SLC9A8: variants seen among roughly 807,000 people sequenced by gnomAD.
SLC9A8 encodes the protein sodium/hydrogen exchanger 8.
SLC9A8 carries 48 observed loss-of-function variants against 66.6 expected under a neutral mutation model. That is an observed-to-expected ratio of 0.72 (90% CI 0.57 to 0.92). The LOEUF (loss-of-function observed/expected upper bound fraction) is 0.92, where lower values mean the gene tolerates loss of function less well. Ranked by LOEUF, SLC9A8 falls within the 40% of genes least tolerant of loss-of-function variation. The pLI is 0.00. For missense variants in SLC9A8, 599 were observed against 747.3 expected (o/e 0.80, Z 2.31); for synonymous variants, 274 against 282.6 (o/e 0.97, Z 0.31).
At chr20:49,877,189 G>A (rs1238939436) in intron 11 of SLC9A8, among the ~76,000 whole-genome samples, 1 of 151,866 alleles carries the variant, frequency 6.6e-6, no homozygotes, top group Non-Finnish European at 1.5e-5. Flanking sequence ...AGCTGCTTGG[G>A]AGGCTGAGGC....
Position 49,826,436 on chromosome 20 carries a change from G to A in SLC9A8, c.289+3295G>A, listed in dbSNP as rs185939761. Reference sequence around the variant, plus strand: ...TTTCAGGGATAAATTTTCCTCTCCTGCCAGAAGTTGCTTTGTAGCTTGCAG... The same window carrying A: ...TTTCAGGGATAAATTTTCCTCTCCTACCAGAAGTTGCTTTGTAGCTTGCAG... On this transcript the variant is annotated intron_variant, in intron 3 of 15. Coordinates refer to ENST00000361573, the MANE Select transcript of SLC9A8 (RefSeq NM_015266.3). Among the ~76,000 whole-genome samples the A allele has an allele frequency of 2.6e-5, 4 of 152,266 alleles. No individual in the cohort carries two copies. The East Asian group carries it at 7.7e-4, about 29-fold the overall frequency.
intron 11 of SLC9A8, among the ~76,000 whole-genome samples, chr20:49,877,015 C>T (rs1384168456): frequency 1.3e-5 from 2 of 151,276 alleles, no homozygotes; most frequent in Non-Finnish European, 2.9e-5. Flanking sequence ...AGGCCAGGCG[C>T]GGTGGCTTAT....
At chr20:49,832,374 CTG>C (rs1267004876) in intron 3 of SLC9A8, among the ~76,000 whole-genome samples, 1 of 152,120 alleles carries the variant, frequency 6.6e-6, no homozygotes, top group Non-Finnish European at 1.5e-5. Context: ...GACTGACCCT[CTG>C]GGGTGGGTCT....
At chr20:49,877,463 G>A (rs1012277584) in intron 11 of SLC9A8, among the ~76,000 whole-genome samples, 4 of 152,130 alleles carry the variant, frequency 2.6e-5, no homozygotes, top group Non-Finnish European at 5.9e-5. Context: ...CTCGCAGAGT[G>A]GAGCCAGGAG....
At chr20:49,854,928 T>G (rs1348216090) in intron 7 of SLC9A8, among the ~76,000 whole-genome samples, 1 of 152,194 alleles carries the variant, frequency 6.6e-6, no homozygotes, top group Non-Finnish European at 1.5e-5. Context: ...ATGGCCTCAG[T>G]GTTTCTCTCG....
chr20:49,882,006 C>T (rs1330951395), intron 13 of SLC9A8, among the ~76,000 whole-genome samples: 9 of 152,088 alleles, frequency 5.9e-5, no homozygotes, highest in Non-Finnish European at 5.9e-5. Context: ...CCAGGCTCCC[C>T]GGGCTCTTGC....
chr20:49,833,249 T>G (rs1239302201), intron 3 of SLC9A8, among the ~76,000 whole-genome samples: 1 of 152,160 alleles, frequency 6.6e-6, no homozygotes, highest in Non-Finnish European at 1.5e-5. Context: ...TGAAAAAGCT[T>G]GTAAGACAGC....
intron 15 of SLC9A8, among the ~76,000 whole-genome samples, 154 bp from the exon 16 acceptor site, chr20:49,887,675 C>CA (rs2089940130): frequency 6.6e-6 from 1 of 152,212 alleles, no homozygotes; most frequent in South Asian, 2.1e-4. Flanking sequence ...AATCCCAGCT[C>CA]AGTTTGTTCA....
At chr20:49,843,582 T>G (rs1292641019) in intron 4 of SLC9A8, among the ~76,000 whole-genome samples, 1 of 152,206 alleles carries the variant, frequency 6.6e-6, no homozygotes, top group Non-Finnish European at 1.5e-5. Flanking sequence ...GACTGTGTAT[T>G]ACACATAACC....
chr20:49,884,235 C>CGCG, intron 14 of SLC9A8, 169 bp downstream of exon 14: 4 of 208,170 alleles, frequency 1.9e-5, no homozygotes, highest in Admixed American at 1.5e-4. Flanking sequence ...CACACACACA[C>CGCG]ACACACGACA....
intron 8 of SLC9A8, among the ~76,000 whole-genome samples, 161 bp from the exon 9 acceptor site, chr20:49,862,768 T>C (rs1415017368): frequency 6.6e-6 from 1 of 152,198 alleles, no homozygotes; most frequent in Non-Finnish European, 1.5e-5. Context: ...TAACAGTACC[T>C]GGGACAAAGT....
chr20:49,836,833 G>A (rs1010942352), intron 3 of SLC9A8, among the ~76,000 whole-genome samples: 3 of 152,038 alleles, frequency 2.0e-5, no homozygotes, highest in African/African-American at 7.2e-5. Context: ...CTATATCCTT[G>A]CCAACACTTA....
At position 49,874,790 on chromosome 20, in the gene SLC9A8, G is replaced by A. The variant is rs771825765; in HGVS notation, c.1044G>A (p.Gln348=). Residue 348 remains glutamine (Q), a synonymous_variant, in exon 11 of 16, where the codon CAG becomes CAA. Coordinates refer to ENST00000361573, the MANE Select transcript of SLC9A8 (RefSeq NM_015266.3). ...CCCCAGTCACCCAGATCCTCATGCA[G>A]CAGACCCTCCGCACCGTGGCCTTCT... is the stretch of plus-strand genomic sequence containing the variant. The part of the protein sequence containing the change: ...NLSPVTQILM[Q]QTLRTVAFLC... 16 of 1,613,654 alleles carry A rather than the reference G, an allele frequency of 9.9e-6. No individual in the cohort carries two copies. Among genetic ancestry groups the A allele is most frequent in the Admixed American group, 3.3e-5 (2 of 59,998 alleles).
intron 3 of SLC9A8, among the ~76,000 whole-genome samples, chr20:49,825,721 G>A (rs2086891908): frequency 1.3e-5 from 2 of 152,192 alleles, no homozygotes; most frequent in African/African-American, 4.8e-5. Flanking sequence ...ACTACAGGTA[G>A]TATTAGCTTG....
intron 10 of SLC9A8, among the ~76,000 whole-genome samples, chr20:49,869,119 G>A (rs1477044295): frequency 6.6e-6 from 1 of 152,222 alleles, no homozygotes; most frequent in Non-Finnish European, 1.5e-5. Context: ...GCTTGCAGGG[G>A]ATGGGAGAGA....
chr20:49,854,006 C>T (rs2088359409), intron 7 of SLC9A8, among the ~76,000 whole-genome samples: 2 of 152,326 alleles, frequency 1.3e-5, no homozygotes, highest in African/African-American at 2.4e-5. Flanking sequence ...GCTGCTCAGC[C>T]GAGCATCCTT....
chr20:49,870,806 G>T (rs552253243), intron 10 of SLC9A8, among the ~76,000 whole-genome samples: 1 of 152,276 alleles, frequency 6.6e-6, no homozygotes, highest in South Asian at 2.1e-4. Flanking sequence ...AGGTTTAGGT[G>T]ATCCTTCCAC....
intron 4 of SLC9A8, among the ~76,000 whole-genome samples, chr20:49,842,158 C>CTT (rs1183144320): frequency 6.6e-6 from 1 of 151,866 alleles, no homozygotes; most frequent in Non-Finnish European, 1.5e-5. Flanking sequence ...CAACCTCCGC[C>CTT]TCCCAGGTTC....
intron 2 of SLC9A8, among the ~76,000 whole-genome samples, chr20:49,821,565 A>G (rs2086739769): frequency 6.6e-6 from 1 of 152,208 alleles, no homozygotes; most frequent in South Asian, 2.1e-4. Flanking sequence ...TTGTCAGTGC[A>G]GCCTCTGAGG....
Sources: gnomAD v4.1 joint callset for allele counts (sites outside exome capture counted in the v4.1 genomes callset) on GRCh38, gnomAD v4.1.1 for gene constraint, MANE v1.5 for transcripts, NCBI Gene and HGNC (gene_info 2026-07-23, HGNC 2026-07-21) for gene names.